The following TAF1L variants were observed in gnomAD, a reference collection of about 807,000 sequenced individuals.
TAF1L encodes transcription initiation factor TFIID subunit 1-like.
TAF1L carries 30 observed loss-of-function variants against 128.8 expected under a neutral mutation model. The observed-to-expected ratio is 0.23, with a 90% CI of 0.17 to 0.32. The LOEUF (loss-of-function observed/expected upper bound fraction) is 0.32. Ranked by LOEUF, TAF1L falls within the 10% of genes least tolerant of loss-of-function variation. The pLI is 1.00. For missense variants in TAF1L, 2,099 were observed against 2,253.7 expected (o/e 0.93, Z 1.39); for synonymous variants, 764 against 790.7 (o/e 0.97, Z 0.57).
Position 32,632,558 on chromosome 9 carries a change from T to G in TAF1L, c.3022A>C (p.Thr1008Pro). ...KEPQAVKKTVTGTDADLRRLS... is the reference protein window; with the variant it reads ...KEPQAVKKTVPGTDADLRRLS... Reference sequence around the variant, plus strand: ...CGACGAAGGTCTGCATCTGTTCCTGTCACTGTCTTCTTCACTGCCTGTGGC... The same window carrying G: ...CGACGAAGGTCTGCATCTGTTCCTGGCACTGTCTTCTTCACTGCCTGTGGC... Residue 1008 changes from threonine to proline, a missense_variant, in exon 1 of 1, where the codon ACA becomes CCA. Thr to Pro is a conservative substitution (Grantham distance 38, BLOSUM62 -1). This residue lies in a region of TAF1L where 1,213 missense variants were observed against 1,391.4 expected (regional missense o/e 0.87). Coordinates refer to ENST00000242310, the MANE Select transcript of TAF1L (RefSeq NM_153809.2). This position sits in a 1 kb window ranked among gnomAD's most constrained non-coding sequence, Gnocchi z 4.4. The G allele has an allele frequency of 6.2e-7, 1 of 1,614,242 alleles. No individual in the cohort carries two copies.
chr9:32,635,535 G>GAC lies in TAF1L; in HGVS notation c.43_44dup (p.Thr16SerfsTer23). 1 of 1,614,124 alleles carries GAC rather than the reference G, an allele frequency of 6.2e-7. No individual in the cohort carries two copies. The highest frequency in any genetic ancestry group is 8.5e-7 in the Non-Finnish European group (1 of 1,180,014). ...CCGAGTCTGACATGATGGCGGCAGT[G>GAC]ACGGTAGCTGCTGCCCTCAGCAGCA... On this transcript the variant is annotated frameshift_variant, in exon 1 of 1. Coordinates refer to ENST00000242310, the MANE Select transcript of TAF1L (RefSeq NM_153809.2). LOFTEE classifies it high-confidence loss of function.
rs542910116 is a variant in TAF1L, at chr9:32,635,314, G to C, written c.266C>G (p.Thr89Ser). Residue 89 changes from threonine to serine, a missense_variant, in exon 1 of 1, where the codon ACT becomes AGT. This residue lies in a region of TAF1L where 473 missense variants were observed against 429.6 expected (regional missense o/e 1.10). Coordinates refer to ENST00000242310, the MANE Select transcript of TAF1L (RefSeq NM_153809.2). ...ELTANEELTGTGGALVNDEGW... is the reference protein window; with the variant it reads ...ELTANEELTGSGGALVNDEGW... ...TTCATCATTTACCAAGGCACCGCCA[G>C]TCCCAGTCAATTCTTCATTTGCCGT... 6.2e-7 allele frequency: 1 copy of C among 1,614,150 alleles called. No homozygotes were observed. The highest frequency in any genetic ancestry group is 1.7e-5 in the Admixed American group (1 of 60,022).
chr9:32,632,579 G>A lies in TAF1L; in HGVS notation c.3001C>T (p.Gln1001Ter). 1 of 1,614,214 alleles carries A rather than the reference G, an allele frequency of 6.2e-7. No individual in the cohort carries two copies. The highest frequency in any genetic ancestry group is 8.5e-7 in the Non-Finnish European group (1 of 1,180,042). Residue 1001 changes from glutamine (Q) to a stop codon, truncating the protein, a stop_gained, in exon 1 of 1, where the codon CAG becomes TAG. Coordinates refer to ENST00000242310, the MANE Select transcript of TAF1L (RefSeq NM_153809.2). LOFTEE classifies it high-confidence loss of function. The surrounding 1 kb of genome is among the most constrained non-coding windows in gnomAD (Gnocchi z 4.4). ...CCTGTCACTGTCTTCTTCACTGCCT[G>A]TGGCTCTTTATCATCCTTCTGCTGT... ...PTQQKDDKEP[Q>*]AVKKTVTGTD...
Position 32,634,754 on chromosome 9 carries a change from G to C in TAF1L, c.826C>G (p.Arg276Gly). Residue 276 changes from arginine to glycine, a missense_variant, in exon 1 of 1, where the codon CGG becomes GGG. Physicochemically the swap from Arg to Gly is moderately radical, Grantham distance 125. Coordinates refer to ENST00000242310, the MANE Select transcript of TAF1L (RefSeq NM_153809.2). ...GPGKNVPSVW[R>G]SARRKRKKHR... ...TTCTTCCTCTTTCTCCGAGCACTCC[G>C]CCAAACAGATGGGACATTCTTCCCT... 6.2e-7 allele frequency: 1 copy of C among 1,614,102 alleles called. No homozygotes were observed. The highest frequency in any genetic ancestry group is 8.5e-7 in the Non-Finnish European group (1 of 1,180,018).
At position 32,634,260 on chromosome 9, in the gene TAF1L, G is replaced by T; in HGVS notation, c.1320C>A (p.Ile440=). ...CCTGAGGTTTTGTCCCTTTGTGTTT[G>T]ATATCCTCCCCATCCCAGATGATAG... is the stretch of plus-strand genomic sequence containing the variant. ...EDSIIWDGED[I]KHKGTKPQGA... is the part of the protein sequence containing the mutation. The change falls in exon 1 of 1, where the codon ATC becomes ATA. Residue 440 remains isoleucine, a synonymous_variant. Coordinates refer to ENST00000242310, the MANE Select transcript of TAF1L (RefSeq NM_153809.2). 2 of 1,614,150 alleles carry T rather than the reference G, an allele frequency of 1.2e-6. No individual in the cohort carries two copies. The highest frequency in any genetic ancestry group is 1.7e-6 in the Non-Finnish European group (2 of 1,180,036).
rs532555236 is a variant in TAF1L at position 32,629,915 on chromosome 9, C to T, written c.*184G>A. The T allele has an allele frequency of 1.6e-6, 2 of 1,225,060 alleles. No individual in the cohort carries two copies. The highest frequency in any genetic ancestry group is 1.5e-5 in the African/African-American group (1 of 65,758). 75.9% of individuals were successfully genotyped at this position (1,225,060 alleles called of 1,614,324 possible). A position where few individuals can be genotyped will look rare whatever the true frequency, so the allele number is the denominator to read the frequency against. On this transcript the variant is annotated 3_prime_UTR_variant, in exon 1 of 1. Coordinates refer to ENST00000242310, the MANE Select transcript of TAF1L (RefSeq NM_153809.2). ...AGGTGATCCACCCGCCTCGGCCTCC[C>T]AGAGTGCTGAGATTACAGGTGTGAG...
In TAF1L at chr9:32,629,947, T is replaced by C; in HGVS notation, c.*152A>G. 9 of 1,459,636 alleles carry C rather than the reference T, an allele frequency of 6.2e-6. No individual in the cohort carries two copies. The highest frequency in any genetic ancestry group is 8.3e-6 in the Non-Finnish European group (9 of 1,081,478). The allele number at this position is 1,459,636 out of a possible 1,614,324, so 90.4% of individuals were successfully genotyped here. A position where few individuals can be genotyped will look rare whatever the true frequency, so the allele number is the denominator to read the frequency against. On this transcript the variant is annotated 3_prime_UTR_variant, in exon 1 of 1. Transcript: ENST00000242310. ...CTGAGATTACAGGTGTGAGCCACCA[T>C]GCCCAGCTGGAAATTTCCGATGCTG... is the stretch of plus-strand genomic sequence containing the variant.
Position 32,633,794 on chromosome 9 carries a change from G to C in TAF1L, c.1786C>G (p.Gln596Glu). Residue 596 changes from glutamine (Q) to glutamate (E), a missense_variant, in exon 1 of 1, where the codon CAA (glutamine) becomes GAA (glutamate). Gln to Glu is a conservative substitution (Grantham distance 29, BLOSUM62 2). Coordinates refer to ENST00000242310, the MANE Select transcript of TAF1L (RefSeq NM_153809.2). ...LSNDEYYFPK[Q>E]QGLRGTFGGN... Reference sequence around the variant, plus strand: ...CCAAAGGTGCCCCGAAGACCCTGTTGCTTGGGGAAATAATACTCATCATTG... The same window carrying C: ...CCAAAGGTGCCCCGAAGACCCTGTTCCTTGGGGAAATAATACTCATCATTG... 6.2e-7 allele frequency: 1 copy of C among 1,614,196 alleles called. No individual in the cohort carries two copies. The highest frequency in any genetic ancestry group is 8.5e-7 in the Non-Finnish European group (1 of 1,180,040).
rs776379584 is a variant in TAF1L at position 32,634,637 on chromosome 9, A to C, written c.943T>G (p.Tyr315Asp). Residue 315 changes from tyrosine (Y) to aspartate (D), a missense_variant, in exon 1 of 1, where the codon TAT becomes GAT. Around this residue, in one of 4 missense-constraint regions of TAF1L, gnomAD observed 473 missense variants for 429.6 expected, o/e 1.10. Transcript: ENST00000242310. ...VSQKSLWNYD[Y>D]APPPPPEQCL... ...TGCTCTGGGGGTGGTGGTGGAGCATAGTCATAGTTCCACAAAGACTTCTGG... is the reference window on the plus strand; with the variant it reads ...TGCTCTGGGGGTGGTGGTGGAGCATCGTCATAGTTCCACAAAGACTTCTGG... 5.0e-6 allele frequency: 8 copies of C among 1,613,936 alleles called. No individual in the cohort carries two copies. In the South Asian group the frequency reaches 8.8e-5, roughly 18 times the overall value.
chr9:32,633,376 T>G lies in TAF1L; in HGVS notation c.2204A>C (p.Asp735Ala). 6.2e-7 allele frequency: 1 copy of G among 1,614,230 alleles called. No individual in the cohort carries two copies. Among genetic ancestry groups the G allele is most frequent in the East Asian group, 2.2e-5 (1 of 44,890 alleles). ...RKPGKDPGAPDCKYGETVYCH... is the reference protein window; with the variant it reads ...RKPGKDPGAPACKYGETVYCH... The stretch of plus-strand genomic sequence containing the variant: ...GTAAACAGTTTCCCCATATTTACAA[T>G]CTGGTGCTCCAGGATCTTTGCCAGG... The change falls in exon 1 of 1, where the codon GAT becomes GCT. Residue 735 changes from aspartate to alanine, a missense_variant. Transcript: ENST00000242310.
chr9:32,631,152 C>G lies in TAF1L; in HGVS notation c.4428G>C (p.Ala1476=), dbSNP rs1479156062. The change falls in exon 1 of 1, where the codon GCG becomes GCC. Residue 1476 remains alanine (A), a synonymous_variant. Coordinates refer to ENST00000242310, the MANE Select transcript of TAF1L (RefSeq NM_153809.2). The surrounding 1 kb of genome is among the most constrained non-coding windows in gnomAD (Gnocchi z 4.1). ...ATGAATGTTTTGGCCCATTGTAGGT[C>G]GCACTGTTTTTCACAATTAGCTCCA... is the stretch of plus-strand genomic sequence containing the variant. ...EHLELIVKNS[A]TYNGPKHSLT... 5 of 1,614,014 alleles carry G rather than the reference C, an allele frequency of 3.1e-6. No homozygotes were observed. The highest frequency in any genetic ancestry group is 4.2e-6 in the Non-Finnish European group (5 of 1,180,046).
chr9:32,635,607 G>A lies in TAF1L; in HGVS notation c.-28C>T. The A allele has an allele frequency of 6.3e-7, 1 of 1,584,814 alleles. No homozygotes were observed. Among genetic ancestry groups the A allele is most frequent in the South Asian group, 1.2e-5 (1 of 85,740 alleles). ...ACCGGAAATAAAACAACAGTCGCCC[G>A]GAAGTGATCTACTTAGCTCCCTTAC... is the stretch of plus-strand genomic sequence containing the variant. On this transcript the variant is annotated 5_prime_UTR_variant, in exon 1 of 1. Coordinates refer to ENST00000242310, the MANE Select transcript of TAF1L (RefSeq NM_153809.2).
In TAF1L at chr9:32,632,731, G is replaced by A. The variant is rs772986937; in HGVS notation, c.2849C>T (p.Pro950Leu). The A allele has an allele frequency of 2.5e-6, 4 of 1,614,210 alleles. No individual in the cohort carries two copies. Among genetic ancestry groups the A allele is most frequent in the Non-Finnish European group, 3.4e-6 (4 of 1,180,040 alleles). ...MKIDDEVHAA[P>L]WNTTRAFIAA... Reference sequence around the variant, plus strand: ...AATGAAGGCCCTTGTGGTGTTCCAAGGAGCAGCGTGAACTTCATCATCAAT... The same window carrying A: ...AATGAAGGCCCTTGTGGTGTTCCAAAGAGCAGCGTGAACTTCATCATCAAT... Residue 950 changes from proline to leucine, a missense_variant, in exon 1 of 1, where the codon CCT (proline) becomes CTT (leucine). Physicochemically the swap from Pro to Leu is moderately conservative, Grantham distance 98. Coordinates refer to ENST00000242310, the MANE Select transcript of TAF1L (RefSeq NM_153809.2). This position sits in a 1 kb window ranked among gnomAD's most constrained non-coding sequence, Gnocchi z 4.4.
rs774762124 is a variant in TAF1L at position 32,633,356 on chromosome 9, C to T, written c.2224G>A (p.Val742Ile). The stretch of plus-strand genomic sequence containing the variant: ...AAGAAAGGAGATGTATGGCAGTAAA[C>T]AGTTTCCCCATATTTACAATCTGGT... The part of the protein sequence containing the change: ...GAPDCKYGET[V>I]YCHTSPFLGS... The change falls in exon 1 of 1, where the codon GTT becomes ATT. Residue 742 changes from valine (V) to isoleucine (I), a missense_variant. Val to Ile is a conservative substitution (Grantham distance 29). Around this residue, in one of 4 missense-constraint regions of TAF1L, gnomAD observed 1,213 missense variants for 1,391.4 expected, o/e 0.87. Transcript: ENST00000242310. 2 of 1,614,220 alleles carry T rather than the reference C, an allele frequency of 1.2e-6. No homozygotes were observed. The highest frequency in any genetic ancestry group is 1.7e-6 in the Non-Finnish European group (2 of 1,180,048).
Position 32,634,580 on chromosome 9 carries a change from C to A in TAF1L, c.1000G>T (p.Val334Phe), listed in dbSNP as rs774202182. Residue 334 changes from valine (V) to phenylalanine (F), a missense_variant, in exon 1 of 1, where the codon GTT becomes TTT. This residue lies in a region of TAF1L where 473 missense variants were observed against 429.6 expected (regional missense o/e 1.10). Coordinates refer to ENST00000242310, the MANE Select transcript of TAF1L (RefSeq NM_153809.2). The stretch of plus-strand genomic sequence containing the variant: ...TGGGAAAATTTGGACTCCACAGGAA[C>A]CATCATCGTGATTTCATCATCAGCG... ...CLADDEITMM[V>F]PVESKFSQST... 60 of 1,614,058 alleles carry A rather than the reference C, an allele frequency of 3.7e-5. No individual in the cohort carries two copies. The highest frequency in any genetic ancestry group is 4.8e-5 in the Non-Finnish European group (57 of 1,180,030).
At position 32,632,229 on chromosome 9, in the gene TAF1L, T is replaced by C; in HGVS notation, c.3351A>G (p.Glu1117=). The C allele has an allele frequency of 2.5e-6, 4 of 1,614,232 alleles. No individual in the cohort carries two copies. Among genetic ancestry groups the C allele is most frequent in the East Asian group, 2.2e-5 (1 of 44,888 alleles). ...TGTTCTCAATGTTCTTTCCCATTTC[T>C]TCAAAGTCACTATCTTCAGCTGAGA... ...DSISAEDSDF[E]EMGKNIENML... is the part of the protein sequence containing the mutation. Residue 1117 remains glutamate (E), a synonymous_variant, in exon 1 of 1, where the codon GAA becomes GAG. Transcript: ENST00000242310. The surrounding 1 kb of genome is among the most constrained non-coding windows in gnomAD (Gnocchi z 4.4).
In TAF1L at chr9:32,634,618, G is replaced by C. The variant is rs749808247; in HGVS notation, c.962C>G (p.Pro321Arg). ...WNYDYAPPPPPEQCLADDEIT... is the reference protein window; with the variant it reads ...WNYDYAPPPPREQCLADDEIT... ...TTCATCATCAGCGAGACACTGCTCT[G>C]GGGGTGGTGGTGGAGCATAGTCATA... Residue 321 changes from proline to arginine, a missense_variant, in exon 1 of 1, where the codon CCA (proline) becomes CGA (arginine). This residue lies in a region of TAF1L where 473 missense variants were observed against 429.6 expected (regional missense o/e 1.10). Transcript: ENST00000242310. 1.9e-6 allele frequency: 3 copies of C among 1,614,048 alleles called. No homozygotes were observed. The highest frequency in any genetic ancestry group is 2.7e-5 in the African/African-American group (2 of 74,930).
Position 32,635,380 on chromosome 9 carries a change from C to G in TAF1L, c.200G>C (p.Gly67Ala), listed in dbSNP as rs778354963. 1 of 1,614,166 alleles carries G rather than the reference C, an allele frequency of 6.2e-7. No homozygotes were observed. The highest frequency in any genetic ancestry group is 8.5e-7 in the Non-Finnish European group (1 of 1,180,024). Residue 67 changes from glycine (G) to alanine (A), a missense_variant, in exon 1 of 1, where the codon GGC (glycine) becomes GCC (alanine). Transcript: ENST00000242310. ...LDDECKKHLA[G>A]LGALGLGSLI... ...GCTGCCCAGCCCCAAAGCCCCCAAG[C>G]CTGCCAAGTGCTTCTTACACTCATC...
In TAF1L at chr9:32,633,596, T is replaced by C. The variant is rs376973127; in HGVS notation, c.1984A>G (p.Ile662Val). The C allele has an allele frequency of 9.0e-5, 146 of 1,614,082 alleles. 2 individuals carry two copies. In the Middle Eastern group the frequency reaches 3.3e-3, roughly 36 times the overall value. ...PHSVQPLLKH[I>V]KKKAKMREQE... The stretch of plus-strand genomic sequence containing the variant: ...TCTCTCATCTTGGCCTTTTTTTTGA[T>C]GTGCTTTAGCAAAGGTTGGACTGAA... Residue 662 changes from isoleucine (I) to valine (V), a missense_variant, in exon 1 of 1, where the codon ATC (isoleucine) becomes GTC (valine). Ile to Val is a conservative substitution (Grantham distance 29). Transcript: ENST00000242310.
Sources: allele counts gnomAD v4.1 joint callset, GRCh38; gene constraint gnomAD v4.1.1; regional missense constraint gnomAD v4.1.1; non-coding constraint Gnocchi (gnomAD v3.1); transcripts MANE v1.5; gene names NCBI Gene and HGNC (gene_info 2026-07-23, HGNC 2026-07-21).